Variants in KRT5 observed in about 807,000 individuals in gnomAD.
KRT5 encodes the protein keratin, type II cytoskeletal 5.
KRT5 carries 17 observed loss-of-function variants against 44.0 expected under a neutral mutation model. The ratio of observed to expected loss-of-function variants is 0.39; its 90% CI spans 0.26 to 0.58. KRT5 has a LOEUF of 0.58. Among genes scored for constraint, KRT5 ranks in the 20% least tolerant of loss-of-function variants. KRT5 has a pLI of 0.61. For missense variants in KRT5, 737 were observed against 785.5 expected (o/e 0.94, Z 0.74); for synonymous variants, 329 against 312.8 (o/e 1.05, Z -0.55).
chr12:52,520,240 G>A lies in KRT5; in HGVS notation c.57C>T (p.Thr19=), dbSNP rs529397720. Residue 19 remains threonine (T), a synonymous_variant, in exon 1 of 9, where the codon ACC becomes ACT. Transcript: ENST00000252242. The part of the protein sequence containing the change: ...FRSGGSRSFS[T]ASAITPSVSR... ...AGACAGACGGGGTGATGGCAGAGGCGGTGCTGAAGCTACGACTGCCCCCGC... is the reference window on the plus strand; with the variant it reads ...AGACAGACGGGGTGATGGCAGAGGCAGTGCTGAAGCTACGACTGCCCCCGC... The A allele has an allele frequency of 1.6e-4, 256 of 1,613,988 alleles. 1 individual carries two copies. In the South Asian group the frequency reaches 2.4e-3, roughly 15 times the overall value.
In KRT5 at chr12:52,516,856, C is replaced by G; in HGVS notation, c.1220G>C (p.Cys407Ser). The change falls in exon 7 of 9, where the codon TGC becomes TCC. Residue 407 changes from cysteine (C) to serine (S), a missense_variant and splice_region_variant. Around this residue, in one of 5 missense-constraint regions of KRT5, gnomAD observed 344 missense variants for 351.6 expected, o/e 0.98. Transcript: ENST00000252242. The part of the protein sequence containing the change: ...RAEIDNVKKQ[C>S]ANLQNAIADA... ...CGCAATGGCGTTCTGCAGATTGGCG[C>G]ACTACAGATAGAAAGGAGGAGAGTG... 6.2e-7 allele frequency: 1 copy of G among 1,614,150 alleles called. No individual in the cohort carries two copies. Among genetic ancestry groups the G allele is most frequent in the Non-Finnish European group, 8.5e-7 (1 of 1,180,026 alleles).
At chr12:52,518,497 TAA>T (rs56359703) in intron 2 of KRT5, 33 of 445,196 alleles carry the variant, frequency 7.4e-5, no homozygotes, top group Admixed American at 1.6e-4. Flanking sequence ...TCAGAGGCTT[TAA>T]AAAAAAAAAG....
Position 52,518,979 on chromosome 12 carries a change from T to C in KRT5, c.737A>G (p.Asn246Ser), listed in dbSNP as rs759651620. Residue 246 changes from asparagine to serine, a missense_variant, in exon 2 of 9, where the codon AAC (asparagine) becomes AGC (serine). Physicochemically the swap from Asn to Ser is conservative, Grantham distance 46. Coordinates refer to ENST00000252242, the MANE Select transcript of KRT5 (RefSeq NM_000424.4). ...GAAGTCTTCCACCAGGTCCTGCATG[T>C]TTCTCAGCTCTGAGTCCAGGCGGCC... ...ERGRLDSELR[N>S]MQDLVEDFKN... 19 of 1,614,046 alleles carry C rather than the reference T, an allele frequency of 1.2e-5. No homozygotes were observed. Among genetic ancestry groups the C allele is most frequent in the Non-Finnish European group, 1.4e-5 (17 of 1,180,032 alleles).
chr12:52,515,268 G>A (rs1345630879), intron 8 of KRT5, 28 bp from the exon 9 acceptor site: 13 of 1,602,498 alleles, frequency 8.1e-6, no homozygotes, highest in Non-Finnish European at 1.0e-5. Flanking sequence ...AGGACTCAGT[G>A]AGACCATCTG....
intron 1 of KRT5, 125 bp downstream of exon 1, chr12:52,519,617 A>G (rs1286399667): frequency 1.9e-6 from 2 of 1,080,938 alleles, no homozygotes; most frequent in Non-Finnish European, 2.9e-6. Flanking sequence ...CACAGAAACA[A>G]ACGGAAACAC....
Position 52,517,737 on chromosome 12 carries a change from C to A in KRT5, c.945G>T (p.Gln315His). 6.2e-7 allele frequency: 1 copy of A among 1,614,242 alleles called. No individual in the cohort carries two copies. Among genetic ancestry groups the A allele is most frequent in the South Asian group, 1.1e-5 (1 of 91,086 alleles). The change falls in exon 5 of 9, where the codon CAG (glutamine) becomes CAT (histidine). Residue 315 changes from glutamine to histidine, a missense_variant. Gln to His is a conservative substitution (Grantham distance 24, BLOSUM62 0). Coordinates refer to ENST00000252242, the MANE Select transcript of KRT5 (RefSeq NM_000424.4). The stretch of plus-strand genomic sequence containing the variant: ...CCACTGAGGTGTCAGAGACATGCGT[C>A]TGCATCTGGGACAGCTCCTGCAGGG... ...MFFDAELSQM[Q>H]THVSDTSVVL...
At position 52,519,891 on chromosome 12, in the gene KRT5, G is replaced by C. The variant is rs1465043680; in HGVS notation, c.406C>G (p.Pro136Ala). 5 of 1,613,852 alleles carry C rather than the reference G, an allele frequency of 3.1e-6. No individual in the cohort carries two copies. In the South Asian group the frequency reaches 4.4e-5, roughly 14 times the overall value. The part of the protein sequence containing the change: ...GFGGPGFPVC[P>A]PGGIQEVTVN... ...GTGACCTCTTGGATACCTCCAGGAG[G>C]GCAGACAGGAAAGCCAGGGCCACCG... Residue 136 changes from proline (P) to alanine (A), a missense_variant, in exon 1 of 9, where the codon CCT (proline) becomes GCT (alanine). Pro to Ala is a conservative substitution (Grantham distance 27). Transcript: ENST00000252242.
rs1938636931 is a variant in KRT5, at chr12:52,517,766, T to G, written c.928-12A>C. The G allele has an allele frequency of 3.1e-6, 5 of 1,614,196 alleles. No individual in the cohort carries two copies. The highest frequency in any genetic ancestry group is 4.2e-6 in the Non-Finnish European group (5 of 1,180,004). On this transcript the variant is annotated splice_polypyrimidine_tract_variant and intron_variant, in intron 4 of 8. Coordinates refer to ENST00000252242, the MANE Select transcript of KRT5 (RefSeq NM_000424.4). ...ATCTGGGACAGCTCCTGCAGGGAGA[T>G]TTGGAGTCGGTCATCTGGTTCTGTG...
chr12:52,515,074 A>T lies in KRT5; in HGVS notation c.1641T>A (p.Ser547Arg). The change falls in exon 9 of 9, where the codon AGT (serine) becomes AGA (arginine). Residue 547 changes from serine (S) to arginine (R), a missense_variant. Physicochemically the swap from Ser to Arg is moderately radical, Grantham distance 110. Around this residue, in one of 5 missense-constraint regions of KRT5, gnomAD observed 344 missense variants for 351.6 expected, o/e 0.98. Coordinates refer to ENST00000252242, the MANE Select transcript of KRT5 (RefSeq NM_000424.4). Reference protein sequence around the residue: ...SGGVGLGGGLSVGGSGFSASS... With the variant: ...SGGVGLGGGLRVGGSGFSASS... ...TTGCACTGAAGCCAGAGCCCCCCAC[A>T]CTGAGCCCACCACCTAGGCCGACAC... 6.3e-7 allele frequency: 1 copy of T among 1,580,758 alleles called. No homozygotes were observed.
chr12:52,516,629 C>T lies in KRT5; in HGVS notation c.1439+8G>A, dbSNP rs1565592625. 1.9e-6 allele frequency: 3 copies of T among 1,613,926 alleles called. No homozygotes were observed. Among genetic ancestry groups the T allele is most frequent in the East Asian group, 2.2e-5 (1 of 44,878 alleles). The stretch of plus-strand genomic sequence containing the variant: ...GAAGGCCATCTTGAGTTCATGCTGT[C>T]TACTCACCTGCATTCCTCGCCCTCC... On this transcript the variant is annotated splice_region_variant and intron_variant, in intron 7 of 8. Transcript: ENST00000252242.
At chr12:52,518,523 T>G in intron 2 of KRT5, 1 of 547,014 alleles carries the variant, frequency 1.8e-6, no homozygotes, top group Non-Finnish European at 3.4e-6. Context: ...AGAAACAAAA[T>G]TAAATCTAGC....
chr12:52,518,847 C>T, intron 2 of KRT5, 99 bp downstream of exon 2: 1 of 1,432,596 alleles, frequency 7.0e-7, no homozygotes, highest in Admixed American at 1.7e-5. Flanking sequence ...TATATCCTCC[C>T]AGCCCCAAAG....
rs539432563 is a variant in KRT5, at chr12:52,519,993, C to T, written c.304G>A (p.Gly102Ser). 76 of 1,613,756 alleles carry T rather than the reference C, an allele frequency of 4.7e-5. No individual in the cohort carries two copies. Among genetic ancestry groups the T allele is most frequent in the Non-Finnish European group, 5.8e-5 (69 of 1,179,982 alleles). Residue 102 changes from glycine to serine, a missense_variant, in exon 1 of 9, where the codon GGT (glycine) becomes AGT (serine). This residue lies in a region of KRT5 where 326 missense variants were observed against 333.1 expected (regional missense o/e 0.98). Transcript: ENST00000252242. ...GGGYGFGGGA[G>S]SGFGFGGGAG... is the part of the protein sequence containing the mutation. ...CCACCGCCGAAACCAAATCCACTAC[C>T]GGCACCACCTCCAAAGCCATAGCCG...
At chr12:52,517,544 C>T (rs750363093) in intron 5 of KRT5, 46 bp downstream of exon 5, 1 of 1,597,348 alleles carries the variant, frequency 6.3e-7, no homozygotes, top group South Asian at 1.1e-5. Context: ...GAATCCTAGA[C>T]ATGGGTGTGT....
chr12:52,518,253 G>T, intron 2 of KRT5, 90 bp from the exon 3 acceptor site: 3 of 1,250,618 alleles, frequency 2.4e-6, no homozygotes, highest in Non-Finnish European at 3.5e-6. Context: ...GCCTACTTTT[G>T]CAGTGGGAAG....
At position 52,517,883 on chromosome 12, in the gene KRT5, G is replaced by C; in HGVS notation, c.927+14C>G. On this transcript the variant is annotated intron_variant, in intron 4 of 8. Coordinates refer to ENST00000252242, the MANE Select transcript of KRT5 (RefSeq NM_000424.4). ...AAAACCCACCCATGTGAAAAATTTA[G>C]ATAAGTTTCTTACCGCATCAAAGAA... 2 of 1,613,214 alleles carry C rather than the reference G, an allele frequency of 1.2e-6. No individual in the cohort carries two copies. The highest frequency in any genetic ancestry group is 1.7e-6 in the Non-Finnish European group (2 of 1,179,102).
chr12:52,519,175 G>A lies in KRT5; in HGVS notation c.556-15C>T, dbSNP rs60314569. ...AGGAACCGCACCTGGAGGGGAGCAG[G>A]GTTTGAAGATAGAGAAACTTGGATT... On this transcript the variant is annotated splice_polypyrimidine_tract_variant and intron_variant, in intron 1 of 8. Coordinates refer to ENST00000252242, the MANE Select transcript of KRT5 (RefSeq NM_000424.4). 0.13 allele frequency: 217,511 copies of A among 1,613,858 alleles called. 15,698 individuals are homozygous for A. The highest frequency in any genetic ancestry group is 0.22 in the African/African-American group (16,329 of 74,978).
At chr12:52,518,901 A>G (rs1440147449) in intron 2 of KRT5, 45 bp downstream of exon 2, 1 of 1,611,904 alleles carries the variant, frequency 6.2e-7, no homozygotes, top group Non-Finnish European at 8.5e-7. Flanking sequence ...TCTGGTACCA[A>G]GAAGACACCA....
chr12:52,520,184 G>C lies in KRT5; in HGVS notation c.113C>G (p.Ser38Cys). 1 of 1,613,990 alleles carries C rather than the reference G, an allele frequency of 6.2e-7. No individual in the cohort carries two copies. Among genetic ancestry groups the C allele is most frequent in the Non-Finnish European group, 8.5e-7 (1 of 1,179,876 alleles). The change falls in exon 1 of 9, where the codon TCC (serine) becomes TGC (cysteine). Residue 38 changes from serine (S) to cysteine (C), a missense_variant. Transcript: ENST00000252242. ...GAAGCCACCACCACCGCCACCCCCG[G>C]ACCGGGACACGGAGGTGAAGCTGGT... Reference protein sequence around the residue: ...SRTSFTSVSRSGGGGGGGFGR... With the variant: ...SRTSFTSVSRCGGGGGGGFGR...
Sources: gnomAD v4.1 joint callset for allele counts on GRCh38, gnomAD v4.1.1 for gene constraint, gnomAD v4.1.1 regional missense constraint, MANE v1.5 for transcripts, NCBI Gene and HGNC (gene_info 2026-07-23, HGNC 2026-07-21) for gene names.